Variants in ZPLD1 observed in about 807,000 individuals in gnomAD.
ZPLD1 encodes the protein zona pellucida like domain containing 1, also known as zona pellucida-like domain-containing protein 1.
In ZPLD1, 34 loss-of-function variants were observed where a neutral mutation model predicts 47.2. That is an observed-to-expected ratio of 0.72 (90% CI 0.55 to 0.96). The LOEUF is 0.96. Ranked by LOEUF, ZPLD1 falls within the 40% of genes least tolerant of loss-of-function variation. The probability of loss-of-function intolerance (pLI) is 0.00; values close to 1 mark genes in which losing one functional copy is unlikely to be tolerated. For synonymous variants in ZPLD1, 176 were observed against 186.2 expected, an observed-to-expected ratio of 0.95 and a Z score of 0.45; for missense variants, 512 against 505.8, an observed-to-expected ratio of 1.01 and a Z score of -0.12.
chr3:102,413,221 A>T (rs960415446), intron 7 of ZPLD1, among the ~76,000 whole-genome samples: 1 of 151,832 alleles, frequency 6.6e-6, no homozygotes, highest in Non-Finnish European at 1.5e-5. Context: ...TTTTAAAAAG[A>T]CTATTTTTTT....
chr3:102,423,892 C>T (rs1706910332), intron 8 of ZPLD1, among the ~76,000 whole-genome samples: 1 of 152,128 alleles, frequency 6.6e-6, no homozygotes, highest in Non-Finnish European at 1.5e-5. Context: ...TTTGCTTTTC[C>T]TGTAGCCCAT....
intron 8 of ZPLD1, among the ~76,000 whole-genome samples, chr3:102,423,615 A>G (rs1189644451): frequency 6.6e-6 from 1 of 152,070 alleles, no homozygotes; most frequent in Admixed American, 6.6e-5. Context: ...ATAAATTTGC[A>G]TTTTCTAAGC....
chr3:102,451,662 T>C (rs1279442871), intron 3 of ZPLD1, among the ~76,000 whole-genome samples: 1 of 152,164 alleles, frequency 6.6e-6, no homozygotes, highest in Non-Finnish European at 1.5e-5. Context: ...AGGGCCATGC[T>C]CCCTCTGAAA....
chr3:102,459,053 G>A (rs905017463), intron 6 of ZPLD1, among the ~76,000 whole-genome samples: 2 of 122,182 alleles, frequency 1.6e-5, no homozygotes, highest in Admixed American at 1.1e-4. Flanking sequence ...TAGCACCACT[G>A]CACTCCAGCC....
chr3:102,409,571 C>A (rs1706727787), intron 7 of ZPLD1, among the ~76,000 whole-genome samples: 2 of 151,756 alleles, frequency 1.3e-5, no homozygotes, highest in Admixed American at 1.3e-4. Context: ...TCCTTAATTT[C>A]AGATTATATG....
intron 8 of ZPLD1, among the ~76,000 whole-genome samples, chr3:102,425,741 A>G (rs1706937864): frequency 6.6e-6 from 1 of 152,050 alleles, no homozygotes. Flanking sequence ...CCGGGACACA[A>G]AAGCGTGTTA....
intron 7 of ZPLD1, among the ~76,000 whole-genome samples, chr3:102,406,024 T>C (rs1706681014): frequency 1.3e-5 from 2 of 152,012 alleles, no homozygotes; most frequent in South Asian, 4.1e-4. Flanking sequence ...ATTAACTGTC[T>C]TTGGAAATGT....
intron 6 of ZPLD1, among the ~76,000 whole-genome samples, chr3:102,389,880 C>T (rs1706475834): frequency 6.6e-6 from 1 of 152,074 alleles, no homozygotes; most frequent in South Asian, 2.1e-4. Context: ...TCATGGTTTT[C>T]TGATGCTGAT....
At position 102,462,231 on chromosome 3, in the gene ZPLD1, G is replaced by A. The variant is rs150002615; in HGVS notation, c.583-50G>A. The A allele has an allele frequency of 1.9e-3, 2,172 of 1,132,176 alleles. 22 individuals carry two copies. The African/African-American group carries it at 0.03, about 15-fold the overall frequency. The allele number at this position is 1,132,176 out of a possible 1,614,324, so 70.1% of individuals were successfully genotyped here. On this transcript the variant is annotated intron_variant, in intron 6 of 11. Transcript: ENST00000466937. ...AATATTGTTGTTTTAAGTAGTAAGT[G>A]TGCTGTTGTTGGGGAGGTAATAATA...
At chr3:102,459,458 GTGTGGATTTCAGGAAGGCT>G (rs1707473090) in intron 6 of ZPLD1, among the ~76,000 whole-genome samples, 1 of 152,122 alleles carries the variant, frequency 6.6e-6, no homozygotes, top group Admixed American at 6.6e-5. Context: ...AAATTTTGAA[GTGTGGATTTCAGGAAGGCT>G]TTGTTATTAA....
intron 6 of ZPLD1, among the ~76,000 whole-genome samples, chr3:102,388,453 G>C (rs4402914): frequency 0.31 from 45,039 of 143,004 alleles, 7,286 homozygotes; most frequent in Middle Eastern, 0.42. Context: ...CTCTCTCTCT[G>C]TCTGTGTGTG....
At chr3:102,413,809 T>C (rs890511511) in intron 7 of ZPLD1, among the ~76,000 whole-genome samples, 1 of 151,806 alleles carries the variant, frequency 6.6e-6, no homozygotes, top group Non-Finnish European at 1.5e-5. Flanking sequence ...TCCAAATATG[T>C]GCAAATGATT....
At chr3:102,464,549 A>C (rs2107348922) in intron 8 of ZPLD1, among the ~76,000 whole-genome samples, 1 of 152,336 alleles carries the variant, frequency 6.6e-6, no homozygotes, top group African/African-American at 2.4e-5. Flanking sequence ...GGAAACGCAT[A>C]GTTAGGATAT....
chr3:102,456,171 A>G, intron 4 of ZPLD1, 22 bp from the exon 5 acceptor site: 1 of 1,598,462 alleles, frequency 6.3e-7, no homozygotes, highest in Non-Finnish European at 8.5e-7. Flanking sequence ...TAATCATTAA[A>G]CTGCATCTAA....
chr3:102,406,423 T>C (rs577466610), intron 7 of ZPLD1, among the ~76,000 whole-genome samples: 11 of 152,068 alleles, frequency 7.2e-5, no homozygotes, highest in South Asian at 2.1e-4. Flanking sequence ...AGACCTTGGG[T>C]ATTGCAACTT....
At chr3:102,413,421 A>AT (rs1289645873) in intron 7 of ZPLD1, among the ~76,000 whole-genome samples, 1 of 151,754 alleles carries the variant, frequency 6.6e-6, no homozygotes, top group Non-Finnish European at 1.5e-5. Flanking sequence ...GGTAGTGCTT[A>AT]TTTTACATTA....
At chr3:102,462,619 C>T (rs556136785) in intron 7 of ZPLD1, among the ~76,000 whole-genome samples, 2 of 151,630 alleles carry the variant, frequency 1.3e-5, no homozygotes, top group African/African-American at 2.4e-5. Context: ...GTTCTTGGAA[C>T]GGGGCATGGG....
At chr3:102,428,720 GTA>G (rs1379451721) in intron 8 of ZPLD1, among the ~76,000 whole-genome samples, 1 of 150,018 alleles carries the variant, frequency 6.7e-6, no homozygotes, top group African/African-American at 2.4e-5. Context: ...TAACATATAT[GTA>G]TATATATGTT....
At chr3:102,427,271 T>C (rs1304301120) in intron 8 of ZPLD1, among the ~76,000 whole-genome samples, 2 of 152,154 alleles carry the variant, frequency 1.3e-5, no homozygotes, top group Non-Finnish European at 2.9e-5. Flanking sequence ...CATGTAATTT[T>C]AATTTTACCA....
Sources: allele counts gnomAD v4.1 joint callset (sites outside exome capture counted in the v4.1 genomes callset), GRCh38; gene constraint gnomAD v4.1.1; transcripts MANE v1.5; gene names NCBI Gene and HGNC (gene_info 2026-07-23, HGNC 2026-07-21).